SIPA1L2: variants seen among roughly 807,000 people sequenced by gnomAD.
SIPA1L2 encodes the protein signal-induced proliferation-associated 1-like protein 2.
Under a neutral mutation model 163.9 loss-of-function variants are expected in SIPA1L2, and 56 were observed. The ratio of observed to expected loss-of-function variants is 0.34; its 90% CI spans 0.28 to 0.43. The LOEUF is 0.43. Among genes scored for constraint, SIPA1L2 ranks in the 20% least tolerant of loss-of-function variants. SIPA1L2 has a pLI of 1.00. For synonymous variants in SIPA1L2, 877 were observed against 865.7 expected (o/e 1.01, Z -0.23); for missense variants, 1,974 against 2,193.5 (o/e 0.90, Z 2.00).
chr1:232,436,383 G>T (rs536486723), intron 15 of SIPA1L2, among the ~76,000 whole-genome samples: 1 of 152,324 alleles, frequency 6.6e-6, no homozygotes, highest in South Asian at 2.1e-4. Flanking sequence ...AGGGGTGGGT[G>T]CTGTGAAGAA....
chr1:232,458,120 T>A (rs1664033683), intron 10 of SIPA1L2, among the ~76,000 whole-genome samples: 1 of 152,094 alleles, frequency 6.6e-6, no homozygotes, highest in South Asian at 2.1e-4. Context: ...CTAATTCTAA[T>A]CCTTCTGGCT....
At chr1:232,482,254 T>C (rs1665397670) in intron 6 of SIPA1L2, among the ~76,000 whole-genome samples, 1 of 152,188 alleles carries the variant, frequency 6.6e-6, no homozygotes. Context: ...ATCTACGTTG[T>C]AGTTTTACAG....
intron 2 of SIPA1L2, among the ~76,000 whole-genome samples, chr1:232,516,054 A>G (rs1667206363): frequency 6.6e-6 from 1 of 152,248 alleles, no homozygotes. Context: ...AAGTATTTCA[A>G]TGCATGAATT....
chr1:232,554,022 A>C (rs1044049885), intron 2 of SIPA1L2, among the ~76,000 whole-genome samples: 2 of 152,364 alleles, frequency 1.3e-5, no homozygotes, highest in African/African-American at 4.8e-5. Flanking sequence ...GACTCCATCC[A>C]GGACATTTAT....
rs1157098124 is a variant in SIPA1L2, at chr1:232,399,264, C to A, written c.5032G>T (p.Asp1678Tyr). ...LQTDLRKEKQ[D>Y]KAVLQAEVQH... The stretch of plus-strand genomic sequence containing the variant: ...ACTTCTGCTTGGAGAACGGCCTTGT[C>A]TTGTTTTTCCTGGTCAGAGCAGAAA... The change falls in exon 23 of 23, where the codon GAC becomes TAC. Residue 1678 changes from aspartate (D) to tyrosine (Y), a missense_variant. This residue lies in a region of SIPA1L2 where 1,079 missense variants were observed against 1,150.7 expected (regional missense o/e 0.94). Transcript: ENST00000674635. 3 of 1,613,154 alleles carry A rather than the reference C, an allele frequency of 1.9e-6. No individual in the cohort carries two copies. Among genetic ancestry groups the A allele is most frequent in the Non-Finnish European group, 1.7e-6 (2 of 1,179,944 alleles).
intron 2 of SIPA1L2, among the ~76,000 whole-genome samples, chr1:232,529,379 T>C (rs1198985944): frequency 2.0e-5 from 3 of 152,222 alleles, no homozygotes; most frequent in Non-Finnish European, 4.4e-5. Flanking sequence ...TATGTAACGG[T>C]ATACATTATA....
At chr1:232,616,324 T>C (rs1226623007) in intron 1 of SIPA1L2, among the ~76,000 whole-genome samples, 1 of 152,210 alleles carries the variant, frequency 6.6e-6, no homozygotes, top group Non-Finnish European at 1.5e-5. Context: ...GCAATGCTAA[T>C]TCCACAAGAC....
At chr1:232,613,476 G>C (rs1662352690) in intron 1 of SIPA1L2, among the ~76,000 whole-genome samples, 1 of 152,152 alleles carries the variant, frequency 6.6e-6, no homozygotes, top group South Asian at 2.1e-4. Context: ...TGGAGTCAAG[G>C]GAACCTTCTC....
At chr1:232,551,420 T>A (rs1658373427) in intron 2 of SIPA1L2, among the ~76,000 whole-genome samples, 1 of 152,212 alleles carries the variant, frequency 6.6e-6, no homozygotes, top group Non-Finnish European at 1.5e-5. Context: ...TACTGCTCCA[T>A]GCTCACTGGG....
chr1:232,527,441 G>A (rs2103074550), intron 2 of SIPA1L2, among the ~76,000 whole-genome samples: 1 of 152,290 alleles, frequency 6.6e-6, no homozygotes, highest in South Asian at 2.1e-4. Context: ...ACTAGGCACA[G>A]GGAGCAAATT....
chr1:232,445,510 G>A lies in SIPA1L2; in HGVS notation c.3353+19C>T, dbSNP rs1190864494. On this transcript the variant is annotated intron_variant, in intron 11 of 22. Coordinates refer to ENST00000674635, the MANE Select transcript of SIPA1L2 (RefSeq NM_020808.5). ...GTGATTTACAAGGGCCCCCCTTGAGGAAACGGAACCAGCATTACCTCGTGC... is the reference window on the plus strand; with the variant it reads ...GTGATTTACAAGGGCCCCCCTTGAGAAAACGGAACCAGCATTACCTCGTGC... 1 of 1,612,932 alleles carries A rather than the reference G, an allele frequency of 6.2e-7. No individual in the cohort carries two copies. Among genetic ancestry groups the A allele is most frequent in the East Asian group, 2.2e-5 (1 of 44,876 alleles).
intron 1 of SIPA1L2, among the ~76,000 whole-genome samples, chr1:232,579,622 A>G (rs1402960200): frequency 1.3e-5 from 2 of 152,222 alleles, no homozygotes; most frequent in Non-Finnish European, 2.9e-5. Context: ...ATGGTTCTCT[A>G]TTTTTGACCT....
At chr1:232,604,869 C>A (rs61823263) in intron 1 of SIPA1L2, among the ~76,000 whole-genome samples, 1 of 151,968 alleles carries the variant, frequency 6.6e-6, no homozygotes, top group Non-Finnish European at 1.5e-5. Context: ...CTTCATCTTC[C>A]GCCATGATTA....
chr1:232,603,177 A>G (rs1032973527), intron 1 of SIPA1L2, among the ~76,000 whole-genome samples: 3 of 152,238 alleles, frequency 2.0e-5, no homozygotes, highest in Non-Finnish European at 4.4e-5. Context: ...AAGACAAAGA[A>G]CAGAGTGCAA....
chr1:232,514,235 T>C lies in SIPA1L2; in HGVS notation c.1105A>G (p.Met369Val). The change falls in exon 3 of 23, where the codon ATG becomes GTG. Residue 369 changes from methionine (M) to valine (V), a missense_variant. Transcript: ENST00000674635. ...CAGTTGCCTGTCTGGCCCGTAGGCATCTGAGTCTGGGATGCTGCAGATGCC... is the reference window on the plus strand; with the variant it reads ...CAGTTGCCTGTCTGGCCCGTAGGCACCTGAGTCTGGGATGCTGCAGATGCC... The part of the protein sequence containing the change: ...TGASAASQTQ[M>V]PTGQTGNCES... 1 of 1,614,240 alleles carries C rather than the reference T, an allele frequency of 6.2e-7. No individual in the cohort carries two copies. The highest frequency in any genetic ancestry group is 8.5e-7 in the Non-Finnish European group (1 of 1,180,040).
chr1:232,519,340 C>T (rs557344353), intron 2 of SIPA1L2, among the ~76,000 whole-genome samples: 5 of 152,294 alleles, frequency 3.3e-5, no homozygotes, highest in Admixed American at 1.3e-4. Flanking sequence ...CTCTTGTGAG[C>T]GTGGCTACGC....
At chr1:232,500,376 T>G (rs1403646852) in intron 3 of SIPA1L2, among the ~76,000 whole-genome samples, 2 of 152,198 alleles carry the variant, frequency 1.3e-5, no homozygotes, top group Non-Finnish European at 2.9e-5. Context: ...TCTGATGGAT[T>G]TGGGCAGATA....
intron 3 of SIPA1L2, among the ~76,000 whole-genome samples, chr1:232,495,005 T>C (rs1041613999): frequency 2.6e-5 from 4 of 152,168 alleles, no homozygotes; most frequent in African/African-American, 9.7e-5. Flanking sequence ...CCAAAGGCTT[T>C]TGGTTATGCC....
chr1:232,403,616 A>G (rs1660476473), intron 20 of SIPA1L2, 45 bp from the exon 21 acceptor site: 1 of 1,553,168 alleles, frequency 6.4e-7, no homozygotes, highest in Non-Finnish European at 8.7e-7. Flanking sequence ...TTAGTAATCA[A>G]TGCAAGGCAA....
Sources: gnomAD v4.1 joint callset for allele counts (sites outside exome capture counted in the v4.1 genomes callset) on GRCh38, gnomAD v4.1.1 for gene constraint, gnomAD v4.1.1 regional missense constraint, MANE v1.5 for transcripts, NCBI Gene and HGNC (gene_info 2026-07-23, HGNC 2026-07-21) for gene names.